LARGE1: variants seen among roughly 807,000 people sequenced by gnomAD.
The protein encoded by LARGE1 is xylosyl- and glucuronyltransferase LARGE1.
In LARGE1, 43 loss-of-function variants were observed where a neutral mutation model predicts 87.6. That is an observed-to-expected ratio of 0.49 (90% CI 0.38 to 0.63). LARGE1 has a LOEUF of 0.63. Among genes scored for constraint, LARGE1 ranks in the 30% least tolerant of loss-of-function variants. The pLI is 0.00. For missense variants in LARGE1, 802 were observed against 1,000.2 expected, an observed-to-expected ratio of 0.80 and a Z score of 2.67; for synonymous variants, 434 against 394.6, an observed-to-expected ratio of 1.10 and a Z score of -1.18.
intron 2 of LARGE1, chr22:33,725,222 G>A (rs894351487): frequency 4.6e-5 from 7 of 152,634 alleles, no homozygotes; most frequent in Admixed American, 1.3e-4. Context: ...TCTGAGCAGA[G>A]TCGCTTTGTG....
chr22:33,796,851 GCCT>G (rs1477644523), intron 1 of LARGE1, among the ~76,000 whole-genome samples: 1 of 140,898 alleles, frequency 7.1e-6, no homozygotes, highest in East Asian at 2.2e-4. Flanking sequence ...TGCAGCCTCC[GCCT>G]CCCTGGTTCA....
At chr22:33,586,778 C>T (rs553170504) in intron 5 of LARGE1, among the ~76,000 whole-genome samples, 8 of 152,300 alleles carry the variant, frequency 5.3e-5, no homozygotes, top group Admixed American at 2.0e-4. Context: ...GGTTACTATT[C>T]CCATTATCTA....
At chr22:33,109,302 T>C in the LARGE1 span, 1 of 150,038 alleles carries the variant, frequency 6.7e-6, no homozygotes, top group Admixed American at 6.6e-5. Flanking sequence ...TCAAGGACTT[T>C]CTTTTTTAAA....
chr22:33,458,295 G>A (rs941243943), intron 6 of LARGE1, among the ~76,000 whole-genome samples: 5 of 151,834 alleles, frequency 3.3e-5, no homozygotes, highest in South Asian at 2.1e-4. Context: ...TAGTGGAGAC[G>A]GGGTTTCACT....
chr22:33,920,756 C>T (rs2065924959), upstream of LARGE1, among the ~76,000 whole-genome samples: 1 of 144,866 alleles, frequency 6.9e-6, no homozygotes, highest in Admixed American at 6.8e-5. Context: ...CGGCCTTGGC[C>T]GCCGCCGCCG....
intron 2 of LARGE1, among the ~76,000 whole-genome samples, chr22:33,730,144 C>T (rs11913355): frequency 0.015 from 2,230 of 152,238 alleles, 58 homozygotes; most frequent in African/African-American, 0.05. Context: ...CCAATCTCTC[C>T]TCCTCCTCAG....
chr22:33,790,497 T>A (rs1456138779), intron 1 of LARGE1, among the ~76,000 whole-genome samples: 1 of 152,162 alleles, frequency 6.6e-6, no homozygotes, highest in African/African-American at 2.4e-5. Flanking sequence ...GTCCAAAATA[T>A]TTTTAACTCT....
chr22:33,088,581 C>T, the LARGE1 span, among the ~76,000 whole-genome samples: 100 of 152,182 alleles, frequency 6.6e-4, no homozygotes, highest in Non-Finnish European at 9.3e-4. Context: ...CAGGGAGGCC[C>T]GTGTTACTGG....
At chr22:33,416,615 T>G (rs191188121) in intron 7 of LARGE1, among the ~76,000 whole-genome samples, 4 of 152,160 alleles carry the variant, frequency 2.6e-5, no homozygotes, top group Non-Finnish European at 5.9e-5. Flanking sequence ...TTACTTTCTT[T>G]TTTTTTGAGA....
intron 2 of LARGE1, among the ~76,000 whole-genome samples, chr22:33,695,741 TCATGGTAAAAGTTA>T (rs1313272993): frequency 4.6e-5 from 7 of 152,170 alleles, no homozygotes; most frequent in Non-Finnish European, 8.8e-5. Flanking sequence ...TTCCCCGCCT[TCATGGTAAAAGTTA>T]CATATAATGA....
chr22:33,284,317 C>G (rs1931098476), intron 12 of LARGE1, among the ~76,000 whole-genome samples: 1 of 152,174 alleles, frequency 6.6e-6, no homozygotes. Flanking sequence ...CTCCTCAACT[C>G]CTTGAATTCT....
intron 2 of LARGE1, among the ~76,000 whole-genome samples, chr22:33,691,432 G>A (rs2082096230): frequency 6.6e-6 from 1 of 152,028 alleles, no homozygotes; most frequent in South Asian, 2.1e-4. Context: ...AATAAGCACG[G>A]CAGAGGATCA....
Position 33,316,111 on chromosome 22 carries a change from G to C in LARGE1, c.1425C>G (p.Thr475=). 6.2e-7 allele frequency: 1 copy of C among 1,614,010 alleles called. No homozygotes were observed. ...TGTCCATGGACAGCTGAGCGACCAG[G>C]GTGACGTCCGTGCTGTCTGCTGCAG... ...YEPAADSTDV[T]LVAQLSMDRL... The change falls in exon 11 of 15, where the codon ACC becomes ACG. Residue 475 remains threonine (T), a synonymous_variant. Transcript: ENST00000397394.
At chr22:33,469,542 A>C (rs1471386949) in intron 6 of LARGE1, among the ~76,000 whole-genome samples, 5 of 152,142 alleles carry the variant, frequency 3.3e-5, no homozygotes, top group African/African-American at 9.7e-5. Flanking sequence ...GAAGAGAATA[A>C]GGATAGAAAA....
chr22:33,364,105 A>T (rs1036122859), intron 9 of LARGE1, among the ~76,000 whole-genome samples: 2 of 150,758 alleles, frequency 1.3e-5, no homozygotes, highest in Non-Finnish European at 3.0e-5. Context: ...CCCAGGCTGG[A>T]GTGCAGTGGC....
At chr22:33,630,529 C>G (rs2080074771) in intron 3 of LARGE1, among the ~76,000 whole-genome samples, 1 of 152,118 alleles carries the variant, frequency 6.6e-6, no homozygotes, top group African/African-American at 2.4e-5. Context: ...CTGTAGACAA[C>G]TGTAACACAA....
intron 11 of LARGE1, among the ~76,000 whole-genome samples, chr22:33,224,978 G>A (rs1259383325): frequency 1.3e-5 from 2 of 152,348 alleles, no homozygotes; most frequent in East Asian, 1.9e-4. Flanking sequence ...TGCTGGGTAG[G>A]CAAGCACCTG....
At chr22:33,471,772 C>A (rs1173671866) in intron 6 of LARGE1, among the ~76,000 whole-genome samples, 1 of 152,132 alleles carries the variant, frequency 6.6e-6, no homozygotes, top group Non-Finnish European at 1.5e-5. Context: ...CGGTGGCTCA[C>A]CCCTGTAATC....
chr22:33,599,320 G>C (rs1055053155), intron 5 of LARGE1, among the ~76,000 whole-genome samples: 10 of 152,180 alleles, frequency 6.6e-5, no homozygotes, highest in African/African-American at 2.4e-4. Flanking sequence ...GTCATCATGA[G>C]AGATGAGTGA....
Sources: allele counts gnomAD v4.1 joint callset (sites outside exome capture counted in the v4.1 genomes callset), GRCh38; gene constraint gnomAD v4.1.1; transcripts MANE v1.5; gene names NCBI Gene and HGNC (gene_info 2026-07-23, HGNC 2026-07-21).